Variants in LCOR observed in about 807,000 individuals in gnomAD.
LCOR encodes ligand-dependent corepressor.
Under a neutral mutation model 64.4 loss-of-function variants are expected in LCOR, and 14 were observed. The observed-to-expected ratio is 0.22, with a 90% confidence interval of 0.14 to 0.34. The LOEUF is 0.34. Among genes scored for constraint, LCOR ranks in the 10% least tolerant of loss-of-function variants. The pLI is 1.00. For synonymous variants in LCOR, 643 were observed against 642.5 expected (o/e 1.00, Z -0.01); for missense variants, 1,686 against 1,765.3 (o/e 0.96, Z 0.80).
chr10:96,858,363 A>G (rs956733442), intron 2 of LCOR, among the ~76,000 whole-genome samples: 1 of 152,222 alleles, frequency 6.6e-6, no homozygotes, highest in South Asian at 2.1e-4. Flanking sequence ...TTCGACAGAC[A>G]AATTGGTAAA....
Position 96,983,960 on chromosome 10 carries a change from G to A in LCOR, c.3500G>A (p.Cys1167Tyr). The change falls in exon 8 of 8, where the codon TGT becomes TAT. Residue 1167 changes from cysteine to tyrosine, a missense_variant. Around this residue, in one of 3 missense-constraint regions of LCOR, gnomAD observed 1,293 missense variants for 1,410.4 expected, o/e 0.92. Transcript: ENST00000421806. This position sits in a 1 kb window ranked among gnomAD's most constrained non-coding sequence, Gnocchi z 4.5. ...KCRSSLESQK[C>Y]SPVQMLFMTN... ...AGGAGTTCATTGGAGAGTCAGAAGTGTTCTCCTGTTCAGATGCTCTTTATG... is the reference window on the plus strand; with the variant it reads ...AGGAGTTCATTGGAGAGTCAGAAGTATTCTCCTGTTCAGATGCTCTTTATG... 3 of 1,614,138 alleles carry A rather than the reference G, an allele frequency of 1.9e-6. No homozygotes were observed. Among genetic ancestry groups the A allele is most frequent in the Non-Finnish European group, 2.5e-6 (3 of 1,180,010 alleles).
chr10:96,972,608 AT>A (rs1209887759), intron 7 of LCOR, among the ~76,000 whole-genome samples: 1 of 152,200 alleles, frequency 6.6e-6, no homozygotes, highest in Non-Finnish European at 1.5e-5. Context: ...TATATTTTTT[AT>A]TGTAATTTAA....
At chr10:96,901,824 C>T (rs138948884) in intron 2 of LCOR, among the ~76,000 whole-genome samples, 5 of 152,238 alleles carry the variant, frequency 3.3e-5, no homozygotes, top group African/African-American at 9.6e-5. Context: ...GGCTGGAGTG[C>T]GGTGGCGCAA....
chr10:96,980,392 A>G (rs1302466492), intron 7 of LCOR, among the ~76,000 whole-genome samples: 1 of 152,246 alleles, frequency 6.6e-6, no homozygotes, highest in Non-Finnish European at 1.5e-5. Context: ...TAAGATAAAA[A>G]TGATTTTTGA....
chr10:96,916,677 C>T (rs896514345), intron 4 of LCOR, among the ~76,000 whole-genome samples: 4 of 151,352 alleles, frequency 2.6e-5, no homozygotes, highest in Admixed American at 1.3e-4. Context: ...TACGGTGGCA[C>T]GATCTCAGCT....
At chr10:96,955,488 A>G (rs1037672122) in intron 7 of LCOR, 3 of 1,614,158 alleles carry the variant, frequency 1.9e-6, no homozygotes, top group African/African-American at 1.3e-5. Context: ...CGCGCTTAGT[A>G]AAAAATTAAG....
rs1022811761 is a variant in LCOR, at chr10:96,990,570, TAGACTC to T, written c.*5439_*5444del. The T allele has an allele frequency of 2.6e-5, 4 of 152,234 alleles. No homozygotes were observed. The highest frequency in any genetic ancestry group is 3.8e-4 in the East Asian group (2 of 5,196). The allele number at this position is 152,234 out of a possible 1,614,324, so 9.4% of individuals were successfully genotyped here. ...CCAGTCTCTTTCCTTTATAGATAAT[TAGACTC>T]AGGCAGAAACTCAGAGCTCTCAGGG... On this transcript the variant is annotated 3_prime_UTR_variant, in exon 8 of 8. Coordinates refer to ENST00000421806, the MANE Select transcript of LCOR (RefSeq NM_001346516.2).
At chr10:96,955,575 T>A in intron 7 of LCOR, 6 of 1,614,136 alleles carry the variant, frequency 3.7e-6, no homozygotes, top group Non-Finnish European at 5.1e-6. Context: ...TGCTGAGCAG[T>A]CTACCTCTGG....
At chr10:96,841,000 T>C (rs924508373) in intron 2 of LCOR, among the ~76,000 whole-genome samples, 6 of 152,044 alleles carry the variant, frequency 3.9e-5, no homozygotes, top group Admixed American at 2.0e-4. Context: ...TAGCTTTAGC[T>C]GTGTGTGGTT....
chr10:96,888,398 TATATATTGTCA>T (rs1278301508), intron 2 of LCOR, among the ~76,000 whole-genome samples: 1 of 105,644 alleles, frequency 9.5e-6, no homozygotes, highest in Non-Finnish European at 1.9e-5. Context: ...AAAAGAACAG[TATATATTGTCA>T]ATTTCAGCTT....
chr10:96,957,137 C>T, intron 7 of LCOR: 1 of 984,406 alleles, frequency 1.0e-6, no homozygotes. Flanking sequence ...GATCCAAATA[C>T]TAGTAGAAGG....
intron 6 of LCOR, among the ~76,000 whole-genome samples, chr10:96,951,731 A>G (rs1449077777): frequency 6.6e-6 from 1 of 152,190 alleles, no homozygotes; most frequent in Non-Finnish European, 1.5e-5. Flanking sequence ...ATTGTGGGAC[A>G]TTAAAAACTT....
rs578022238 is a variant in LCOR at position 96,958,537 on chromosome 10, C to G, written c.332+6341C>G. On this transcript the variant is annotated intron_variant, in intron 7 of 7. Transcript: ENST00000421806. ...GTAAATAGTGAAAATTTGAGTACTT[C>G]TATTATTTGTTTTGGTTAGAAAGTG... 132 of 704,090 alleles carry G rather than the reference C, an allele frequency of 1.9e-4. 1 individual carries two copies. The South Asian group carries it at 2.0e-3, about 11-fold the overall frequency. The allele number at this position is 704,090 out of a possible 1,614,324, so 43.6% of individuals were successfully genotyped here. A position where few individuals can be genotyped will look rare whatever the true frequency, so the allele number is the denominator to read the frequency against.
At chr10:96,920,452 A>C (rs12776974) in intron 4 of LCOR, among the ~76,000 whole-genome samples, 1 of 29,594 alleles carries the variant, frequency 3.4e-5, no homozygotes, top group Non-Finnish European at 7.7e-5. Context: ...GTGTATATAT[A>C]TGTATATTCA....
Position 96,938,896 on chromosome 10 carries a change from G to C in LCOR, c.-183-5217G>C, listed in dbSNP as rs1847399174. On this transcript the variant is annotated intron_variant, in intron 4 of 7. Transcript: ENST00000421806. ...AATTACATGGAAAGACATGTTCATGGATCAGAAGACTTAAAATTGTTACTA... is the reference window on the plus strand; with the variant it reads ...AATTACATGGAAAGACATGTTCATGCATCAGAAGACTTAAAATTGTTACTA... Among the ~76,000 whole-genome samples, 3 of 152,286 alleles carry C rather than the reference G, an allele frequency of 2.0e-5. No homozygotes were observed. The South Asian group carries it at 6.2e-4, about 32-fold the overall frequency.
chr10:96,966,924 C>T (rs926260524), intron 7 of LCOR, among the ~76,000 whole-genome samples: 4 of 152,126 alleles, frequency 2.6e-5, no homozygotes, highest in Admixed American at 2.6e-4. Context: ...TTTGTGGAGA[C>T]AAGGTTTCAG....
At chr10:96,839,332 C>A (rs918124342) in intron 2 of LCOR, among the ~76,000 whole-genome samples, 8 of 152,068 alleles carry the variant, frequency 5.3e-5, no homozygotes, top group African/African-American at 1.9e-4. Context: ...AATACATGAC[C>A]AGATACACTG....
At chr10:96,976,948 T>TA (rs1031269226) in intron 7 of LCOR, among the ~76,000 whole-genome samples, 5 of 152,258 alleles carry the variant, frequency 3.3e-5, no homozygotes, top group African/African-American at 1.2e-4. Context: ...TCAGTTTTTC[T>TA]ACAATTAGAT....
intron 4 of LCOR, 72 bp from the exon 5 acceptor site, chr10:96,944,041 G>C (rs1234770948): frequency 1.1e-6 from 1 of 938,576 alleles, no homozygotes; most frequent in Non-Finnish European, 1.3e-6. Flanking sequence ...TACTAACTTT[G>C]ATTTCGTCTA....
Sources: allele counts gnomAD v4.1 joint callset (sites outside exome capture counted in the v4.1 genomes callset), GRCh38; gene constraint gnomAD v4.1.1; regional missense constraint gnomAD v4.1.1; non-coding constraint Gnocchi (gnomAD v3.1); transcripts MANE v1.5; gene names NCBI Gene and HGNC (gene_info 2026-07-23, HGNC 2026-07-21).